ZFYVE28: variants seen among roughly 807,000 people sequenced by gnomAD.
ZFYVE28 encodes zinc finger FYVE-type containing 28.
ZFYVE28 carries 40 observed loss-of-function variants against 82.1 expected under a neutral mutation model. The observed-to-expected ratio is 0.49, with a 90% CI of 0.38 to 0.63. ZFYVE28 has a LOEUF of 0.63. Among genes scored for constraint, ZFYVE28 ranks in the 30% least tolerant of loss-of-function variants. The pLI is 0.00. For synonymous variants in ZFYVE28, 612 were observed against 546.1 expected (o/e 1.12, Z -1.68); for missense variants, 1,321 against 1,242.1 (o/e 1.06, Z -0.96).
At chr4:2,307,103 G>A (rs1716696951) in intron 7 of ZFYVE28, 1 of 152,208 alleles carries the variant, frequency 6.6e-6, no homozygotes, top group Admixed American at 6.5e-5. Flanking sequence ...TTCCTGGTGA[G>A]TGAGTAATAG....
chr4:2,352,366 G>A (rs993617398), intron 2 of ZFYVE28, among the ~76,000 whole-genome samples: 3 of 151,948 alleles, frequency 2.0e-5, no homozygotes, highest in Admixed American at 2.0e-4. Context: ...CTGGGCGTGG[G>A]ACCCACATGG....
At chr4:2,361,990 C>T (rs369775806) in intron 1 of ZFYVE28, among the ~76,000 whole-genome samples, 4 of 152,178 alleles carry the variant, frequency 2.6e-5, no homozygotes, top group Admixed American at 6.5e-5. Context: ...CAACAAGGGA[C>T]GGAAGCCCAG....
chr4:2,273,924 G>T, intron 9 of ZFYVE28, 138 bp downstream of exon 9: 1 of 968,828 alleles, frequency 1.0e-6, no homozygotes, highest in Non-Finnish European at 1.5e-6. Flanking sequence ...GAACAGGAGT[G>T]CTGGCTCCTT....
chr4:2,350,230 C>T (rs12511657), intron 2 of ZFYVE28, among the ~76,000 whole-genome samples: 8 of 151,954 alleles, frequency 5.3e-5, no homozygotes, highest in Admixed American at 2.0e-4. Flanking sequence ...TTTGGGAGGC[C>T]GAGGCAGGTG....
At chr4:2,308,698 A>AAAAGAAAAAAGAAAAG (rs2108827916) in intron 7 of ZFYVE28, among the ~76,000 whole-genome samples, 1 of 140,534 alleles carries the variant, frequency 7.1e-6, no homozygotes, top group South Asian at 2.2e-4. Flanking sequence ...AAAAGAAAAG[A>AAAAGAAAAAAGAAAAG]AAAGAAAAAA....
At chr4:2,365,940 C>T (rs902171944) in intron 1 of ZFYVE28, among the ~76,000 whole-genome samples, 3 of 152,214 alleles carry the variant, frequency 2.0e-5, no homozygotes, top group African/African-American at 7.2e-5. Flanking sequence ...TGGCAGAGCA[C>T]GGCCCCTGCC....
chr4:2,325,401 T>C (rs1327017550), intron 6 of ZFYVE28, among the ~76,000 whole-genome samples: 5 of 151,554 alleles, frequency 3.3e-5, no homozygotes, highest in African/African-American at 1.2e-4. Flanking sequence ...CATTTTTCTG[T>C]CATATACTCA....
intron 1 of ZFYVE28, among the ~76,000 whole-genome samples, chr4:2,360,361 T>C (rs78285897): frequency 0.012 from 1,816 of 151,054 alleles, 32 homozygotes; most frequent in African/African-American, 0.043. Context: ...TACAAAGGTG[T>C]TGACCATCTG....
rs575667040 is a variant in ZFYVE28 at position 2,360,436 on chromosome 4, C to T, written c.40-6363G>A. On this transcript the variant is annotated intron_variant, in intron 1 of 12. Transcript: ENST00000290974. Reference sequence around the variant, plus strand: ...ACACACACACACACACAGGCACGCACGCACACACAGAAACCCCGTGCTATT... The same window carrying T: ...ACACACACACACACACAGGCACGCATGCACACACAGAAACCCCGTGCTATT... 5.3e-5 allele frequency among the ~76,000 whole-genome samples: 8 copies of T among 150,580 alleles called. No individual in the cohort carries two copies. The East Asian group carries it at 1.4e-3, about 26-fold the overall frequency.
rs528909135 is a variant in ZFYVE28, at chr4:2,327,691, G to T, written c.702-7420C>A. On this transcript the variant is annotated intron_variant, in intron 6 of 12. Coordinates refer to ENST00000290974, the MANE Select transcript of ZFYVE28 (RefSeq NM_020972.3). ...CAAATGCTTTTTCTGCATCTAATGA[G>T]ATGATCATATGGTTTTTTTATTCTA... Among the ~76,000 whole-genome samples the T allele has an allele frequency of 7.2e-5, 11 of 152,166 alleles. No individual in the cohort carries two copies. In the South Asian group the frequency reaches 2.3e-3, roughly 32 times the overall value.
At chr4:2,303,663 A>G (rs546541418) in intron 8 of ZFYVE28, among the ~76,000 whole-genome samples, 119 of 152,198 alleles carry the variant, frequency 7.8e-4, no homozygotes, top group African/African-American at 2.8e-3. Flanking sequence ...AAGAGATAGG[A>G]GACCTCCCCA....
intron 1 of ZFYVE28, among the ~76,000 whole-genome samples, chr4:2,363,634 C>T (rs1017859767): frequency 1.3e-5 from 2 of 152,166 alleles, no homozygotes; most frequent in African/African-American, 4.8e-5. Context: ...AAGTAATCAA[C>T]CTGTGTTGCG....
At chr4:2,369,666 T>C (rs1452845630) in intron 1 of ZFYVE28, among the ~76,000 whole-genome samples, 1 of 151,530 alleles carries the variant, frequency 6.6e-6, no homozygotes, top group Non-Finnish European at 1.5e-5. Context: ...CATGTGAAGA[T>C]GGGGCGGAGA....
intron 1 of ZFYVE28, among the ~76,000 whole-genome samples, chr4:2,359,601 G>C (rs968676032): frequency 6.6e-6 from 1 of 152,202 alleles, no homozygotes. Flanking sequence ...GAGAGACCCA[G>C]CCTCAGAGGG....
intron 6 of ZFYVE28, among the ~76,000 whole-genome samples, chr4:2,333,200 T>TCCCCTGCTGCCCTTCCCTGACCC (rs199804132): frequency 1.1e-5 from 1 of 90,440 alleles, no homozygotes; most frequent in Admixed American, 1.1e-4. Flanking sequence ...AGCACTGGCC[T>TCCCCTGCTGCCCTTCCCTGACCC]CCCCTGCTGC....
chr4:2,390,889 C>T (rs1406570755), intron 1 of ZFYVE28, among the ~76,000 whole-genome samples: 1 of 152,242 alleles, frequency 6.6e-6, no homozygotes, highest in Non-Finnish European at 1.5e-5. Context: ...TGGGATGCCC[C>T]GGTTGAGGAA....
At chr4:2,359,789 G>A (rs1233752377) in intron 1 of ZFYVE28, among the ~76,000 whole-genome samples, 1 of 152,216 alleles carries the variant, frequency 6.6e-6, no homozygotes, top group Non-Finnish European at 1.5e-5. Context: ...ATGCTGCAGT[G>A]CCATGCAGGA....
At chr4:2,317,693 C>T (rs1462245530) in intron 7 of ZFYVE28, among the ~76,000 whole-genome samples, 3 of 152,138 alleles carry the variant, frequency 2.0e-5, no homozygotes, top group East Asian at 3.9e-4. Flanking sequence ...AATTTAGTGG[C>T]GCAATCTCAG....
chr4:2,370,395 G>A (rs1386567704), intron 1 of ZFYVE28, among the ~76,000 whole-genome samples: 7 of 152,126 alleles, frequency 4.6e-5, no homozygotes, highest in African/African-American at 9.7e-5. Flanking sequence ...AGAGCTGGCC[G>A]AGCTGCCCAG....
Sources: gnomAD v4.1 joint callset for allele counts (sites outside exome capture counted in the v4.1 genomes callset) on GRCh38, gnomAD v4.1.1 for gene constraint, MANE v1.5 for transcripts, NCBI Gene and HGNC (gene_info 2026-07-23, HGNC 2026-07-21) for gene names.